RNF40: variants seen among roughly 807,000 people sequenced by gnomAD.
RNF40 encodes the protein E3 ubiquitin-protein ligase BRE1B.
In RNF40, 39 loss-of-function variants were observed where a neutral mutation model predicts 123.3. The ratio of observed to expected loss-of-function variants is 0.32; its 90% confidence interval spans 0.24 to 0.41. The LOEUF (loss-of-function observed/expected upper bound fraction) is 0.41. RNF40 is among the 10% of genes least tolerant of loss of function. The probability of loss-of-function intolerance (pLI) is 1.00; values close to 1 mark genes in which losing one functional copy is unlikely to be tolerated. For missense variants in RNF40, 1,003 were observed against 1,319.9 expected, an observed-to-expected ratio of 0.76 and a Z score of 3.72; for synonymous variants, 538 against 526.0, an observed-to-expected ratio of 1.02 and a Z score of -0.31.
In RNF40 at chr16:30,774,936, G is replaced by T; in HGVS notation, c.*822G>T. Reference sequence around the variant, plus strand: ...GTGGAGGTGGAACTTCCCAGGAGGGGAAGGGACAGACCAGCCCCAGCCGCT... The same window carrying T: ...GTGGAGGTGGAACTTCCCAGGAGGGTAAGGGACAGACCAGCCCCAGCCGCT... On this transcript the variant is annotated 3_prime_UTR_variant, in exon 20 of 20. Coordinates refer to ENST00000324685, the MANE Select transcript of RNF40 (RefSeq NM_014771.4). 2.2e-6 allele frequency: 1 copy of T among 456,450 alleles called. No homozygotes were observed. The highest frequency in any genetic ancestry group is 1.5e-5 in the South Asian group (1 of 64,562). 28.3% of individuals were successfully genotyped at this position (456,450 alleles called of 1,614,324 possible).
In RNF40 at chr16:30,768,006, G is replaced by A; in HGVS notation, c.1542G>A (p.Glu514=). ...YKRKLREVQA[E]IGKLRAQASG... Reference sequence around the variant, plus strand: ...GGAAGCTTCGAGAAGTACAAGCTGAGATTGGCAAGGTGAGAAGGGGCCTGC... The same window carrying A: ...GGAAGCTTCGAGAAGTACAAGCTGAAATTGGCAAGGTGAGAAGGGGCCTGC... The change falls in exon 12 of 20, where the codon GAG becomes GAA. Residue 514 remains glutamate (E), a synonymous_variant. Coordinates refer to ENST00000324685, the MANE Select transcript of RNF40 (RefSeq NM_014771.4). The surrounding 1 kb of genome is among the most constrained non-coding windows in gnomAD (Gnocchi z 4.1). 1 of 1,614,254 alleles carries A rather than the reference G, an allele frequency of 6.2e-7. No individual in the cohort carries two copies. Among genetic ancestry groups the A allele is most frequent in the Non-Finnish European group, 8.5e-7 (1 of 1,180,052 alleles).
chr16:30,774,187 T>TCTAGTGGC lies in RNF40; in HGVS notation c.*75_*82dup. Reference sequence around the variant, plus strand: ...GCCCCCATCTCCTCCCCACCCCAGGTCTAGTGGCCCCACCCTCCATTCCGG... The same window carrying TCTAGTGGC: ...GCCCCCATCTCCTCCCCACCCCAGGTCTAGTGGCCTAGTGGCCCCACCCTCCATTCCGG... On this transcript the variant is annotated 3_prime_UTR_variant, in exon 20 of 20. Coordinates refer to ENST00000324685, the MANE Select transcript of RNF40 (RefSeq NM_014771.4). 1 of 1,477,644 alleles carries TCTAGTGGC rather than the reference T, an allele frequency of 6.8e-7. No individual in the cohort carries two copies. Among genetic ancestry groups the TCTAGTGGC allele is most frequent in the Non-Finnish European group, 9.1e-7 (1 of 1,095,744 alleles). The allele number at this position is 1,477,644 out of a possible 1,614,324, so 91.5% of individuals were successfully genotyped here. A position where few individuals can be genotyped will look rare whatever the true frequency, so the allele number is the denominator to read the frequency against.
intron 15 of RNF40, 28 bp from the exon 16 acceptor site, chr16:30,769,158 C>G: frequency 6.2e-7 from 1 of 1,611,410 alleles, no homozygotes; most frequent in Non-Finnish European, 8.5e-7. Context: ...TTCCCACGTT[C>G]CATCTTGTCT....
chr16:30,761,951 G>A, upstream of RNF40: 1 of 591,810 alleles, frequency 1.7e-6, no homozygotes, highest in South Asian at 2.2e-5. Flanking sequence ...GGCTTGTGAG[G>A]GAAGGAAGGC....
At chr16:30,761,878 G>T, upstream of RNF40, 1 of 895,858 alleles carries the variant, frequency 1.1e-6, no homozygotes, top group Non-Finnish European at 1.6e-6. Context: ...CGCGCGGAGA[G>T]GCGCGGCGGG....
chr16:30,770,105 A>T (rs867092506), intron 17 of RNF40, among the ~76,000 whole-genome samples: 1 of 17,336 alleles, frequency 5.8e-5, no homozygotes, highest in Non-Finnish European at 1.5e-4. Flanking sequence ...GTCCCTAGGG[A>T]AAAAAAACAA....
In RNF40 at chr16:30,766,949, A is replaced by G; in HGVS notation, c.1429+73A>G. On this transcript the variant is annotated intron_variant, in intron 11 of 19. Coordinates refer to ENST00000324685, the MANE Select transcript of RNF40 (RefSeq NM_014771.4). The surrounding 1 kb of genome is among the most constrained non-coding windows in gnomAD (Gnocchi z 5.4). Reference sequence around the variant, plus strand: ...GGGCCCTGGTGTGGGGCTGCTGCTTATCCAGATGCAAGAGGCTAAGGCCTT... The same window carrying G: ...GGGCCCTGGTGTGGGGCTGCTGCTTGTCCAGATGCAAGAGGCTAAGGCCTT... 6.4e-7 allele frequency: 1 copy of G among 1,557,146 alleles called. No individual in the cohort carries two copies. Among genetic ancestry groups the G allele is most frequent in the South Asian group, 1.2e-5 (1 of 84,696 alleles).
At chr16:30,765,987 G>C (rs1304253361) in intron 8 of RNF40, among the ~76,000 whole-genome samples, 176 bp from the exon 9 acceptor site, 2 of 152,198 alleles carry the variant, frequency 1.3e-5, no homozygotes, top group Non-Finnish European at 2.9e-5. Context: ...CGACCATGCA[G>C]TATTGAATTT....
At position 30,768,434 on chromosome 16, in the gene RNF40, C is replaced by G; in HGVS notation, c.1883C>G (p.Ala628Gly). The G allele has an allele frequency of 1.2e-6, 2 of 1,613,480 alleles. No individual in the cohort carries two copies. Among genetic ancestry groups the G allele is most frequent in the Non-Finnish European group, 1.7e-6 (2 of 1,179,736 alleles). Residue 628 changes from alanine to glycine, a missense_variant, in exon 13 of 20, where the codon GCC becomes GGC. Coordinates refer to ENST00000324685, the MANE Select transcript of RNF40 (RefSeq NM_014771.4). The surrounding 1 kb of genome is among the most constrained non-coding windows in gnomAD (Gnocchi z 4.1). The stretch of plus-strand genomic sequence containing the variant: ...CCCAGCCTAGGACCTCCACCTGTAG[C>G]CTCCGCTCTCTCAAGGGCTGATCGG... ...EGPSLGPPPV[A>G]SALSRADREK...
chr16:30,771,040 A>G (rs961946589), intron 17 of RNF40, among the ~76,000 whole-genome samples: 13 of 152,150 alleles, frequency 8.5e-5, no homozygotes, highest in South Asian at 2.1e-4. Flanking sequence ...CATCCCTGCT[A>G]TGTACTAGGC....
intron 15 of RNF40, 80 bp downstream of exon 15, chr16:30,769,067 G>A: frequency 6.9e-6 from 11 of 1,600,142 alleles, no homozygotes; most frequent in Non-Finnish European, 9.4e-6. Flanking sequence ...GTGCCTGCAG[G>A]ACCTTGATGA....
Position 30,768,733 on chromosome 16 carries a change from C to T in RNF40, c.2094C>T (p.Ala698=), listed in dbSNP as rs766047811. The change falls in exon 14 of 20, where the codon GCC becomes GCT. Residue 698 remains alanine (A), a synonymous_variant. Transcript: ENST00000324685. This position sits in a 1 kb window ranked among gnomAD's most constrained non-coding sequence, Gnocchi z 4.1. ...QLMAAERKAK[A]EVDELRSRIR... ...TGGCAGCGGAACGCAAGGCTAAGGC[C>T]GAGGTGAGGGCAGCTGGGGCTTGTG... 1.4e-5 allele frequency: 22 copies of T among 1,613,764 alleles called. No homozygotes were observed. The highest frequency in any genetic ancestry group is 4.0e-5 in the African/African-American group (3 of 74,936).
chr16:30,768,461 A>T lies in RNF40; in HGVS notation c.1910A>T (p.Glu637Val). ...VASALSRADR[E>V]KAKVEETKRK... ...TCCGCTCTCTCAAGGGCTGATCGGG[A>T]GAAGGCCAAGGTGGAAGAAACCAAG... Residue 637 changes from glutamate to valine, a missense_variant, in exon 13 of 20, where the codon GAG (glutamate) becomes GTG (valine). This residue lies in a region of RNF40 where 295 missense variants were observed against 331.7 expected (regional missense o/e 0.89). Transcript: ENST00000324685. The surrounding 1 kb of genome is among the most constrained non-coding windows in gnomAD (Gnocchi z 4.1). 1 of 1,612,226 alleles carries T rather than the reference A, an allele frequency of 6.2e-7. No homozygotes were observed. The highest frequency in any genetic ancestry group is 1.3e-5 in the African/African-American group (1 of 74,930).
chr16:30,773,149 C>T (rs149660553), intron 19 of RNF40, among the ~76,000 whole-genome samples: 1,691 of 152,206 alleles, frequency 0.011, 10 homozygotes, highest in Non-Finnish European at 0.016. Flanking sequence ...AAGGGCCGGG[C>T]TGGAGAACAG....
Position 30,764,213 on chromosome 16 carries a change from T to C in RNF40, c.477T>C (p.Ser159=), listed in dbSNP as rs978226929. ...TGATGCAGCTGCGGCCCCCTCTCAG[T>C]GAGCCGGCCTTGGCTTTTGTGGTGG... is the stretch of plus-strand genomic sequence containing the variant. The part of the protein sequence containing the change: ...PLLMQLRPPL[S]EPALAFVVAL... The change falls in exon 5 of 20, where the codon AGT becomes AGC. Residue 159 remains serine, a synonymous_variant. Transcript: ENST00000324685. 2 of 1,611,424 alleles carry C rather than the reference T, an allele frequency of 1.2e-6. No individual in the cohort carries two copies. The highest frequency in any genetic ancestry group is 2.2e-5 in the East Asian group (1 of 44,804).
At position 30,762,614 on chromosome 16, in the gene RNF40, T is replaced by G. The variant is rs1254019903; in HGVS notation, c.69T>G (p.Ser23Arg). The change falls in exon 2 of 20, where the codon AGT becomes AGG. Residue 23 changes from serine (S) to arginine (R), a missense_variant. By Grantham distance (110) the Ser-to-Arg change is moderately radical. Around this residue, in one of 11 missense-constraint regions of RNF40, gnomAD observed 51 missense variants for 56.2 expected, o/e 0.91. Coordinates refer to ENST00000324685, the MANE Select transcript of RNF40 (RefSeq NM_014771.4). The stretch of plus-strand genomic sequence containing the variant: ...CAGGGCCCCCGGAAAAGAAGCTGAG[T>G]CGTGAGGAGAAGACCACCACGACTC... ...GGSGPPEKKL[S>R]REEKTTTTLI... is the part of the protein sequence containing the mutation. 27 of 1,611,056 alleles carry G rather than the reference T, an allele frequency of 1.7e-5. No homozygotes were observed. The highest frequency in any genetic ancestry group is 2.3e-5 in the Non-Finnish European group (27 of 1,179,626).
intron 8 of RNF40, 80 bp downstream of exon 8, chr16:30,765,579 A>G: frequency 2.3e-6 from 3 of 1,309,784 alleles, no homozygotes; most frequent in Non-Finnish European, 2.2e-6. Context: ...GACAAAGGAC[A>G]AACATCCATC....
chr16:30,765,003 C>A lies in RNF40; in HGVS notation c.715C>A (p.Arg239=). The change falls in exon 6 of 20, where the codon CGA becomes AGA. Residue 239 remains arginine, a synonymous_variant. Transcript: ENST00000324685. ...CCGAGAGCTGGGCCGTGAGAACCGG[C>A]GACTGCAGGACTTGGCCACTCAGCT... ...HTRELGRENR[R]LQDLATQLQE... 3 of 1,613,814 alleles carry A rather than the reference C, an allele frequency of 1.9e-6. No individual in the cohort carries two copies. Among genetic ancestry groups the A allele is most frequent in the Non-Finnish European group, 8.5e-7 (1 of 1,180,018 alleles).
intron 4 of RNF40, among the ~76,000 whole-genome samples, chr16:30,763,889 G>T (rs1282671777): frequency 6.6e-6 from 1 of 152,158 alleles, no homozygotes; most frequent in African/African-American, 2.4e-5. Flanking sequence ...AAGTACTGGG[G>T]CTCCTGAAAC....
Sources: gnomAD v4.1 joint callset for allele counts (sites outside exome capture counted in the v4.1 genomes callset) on GRCh38, gnomAD v4.1.1 for gene constraint, gnomAD v4.1.1 regional missense constraint, Gnocchi (gnomAD v3.1) non-coding constraint, MANE v1.5 for transcripts, NCBI Gene and HGNC (gene_info 2026-07-23, HGNC 2026-07-21) for gene names.